EPHA7: variants seen among roughly 807,000 people sequenced by gnomAD.
The protein encoded by EPHA7 is EPH receptor A7, also known as ephrin type-A receptor 7.
In EPHA7, 25 loss-of-function variants were observed where a neutral mutation model predicts 112.6. The ratio of observed to expected loss-of-function variants is 0.22; its 90% CI spans 0.16 to 0.31. The LOEUF is 0.31. Among genes scored for constraint, EPHA7 ranks in the 10% least tolerant of loss-of-function variants. EPHA7 has a pLI of 1.00. For missense variants in EPHA7, 962 were observed against 1,212.6 expected (o/e 0.79, Z 3.07); for synonymous variants, 437 against 406.5 (o/e 1.07, Z -0.90).
intron 3 of EPHA7, among the ~76,000 whole-genome samples, chr6:93,361,065 GA>G (rs1776237381): frequency 6.6e-6 from 1 of 151,984 alleles, no homozygotes; most frequent in Non-Finnish European, 1.5e-5. Flanking sequence ...ACCTTAAGAA[GA>G]GATATTAAAC....
intron 5 of EPHA7, among the ~76,000 whole-genome samples, chr6:93,283,491 C>T (rs1771882107): frequency 6.6e-6 from 1 of 152,096 alleles, no homozygotes; most frequent in Non-Finnish European, 1.5e-5. Context: ...GTCCACATTG[C>T]CTTTATGAGC....
chr6:93,291,350 G>T (rs1772352204), intron 5 of EPHA7, among the ~76,000 whole-genome samples: 1 of 152,100 alleles, frequency 6.6e-6, no homozygotes, highest in South Asian at 2.1e-4. Flanking sequence ...GGCTTTTACG[G>T]TTTTTGTTTT....
Position 93,410,406 on chromosome 6 carries a change from C to CA in EPHA7, c.832+94dup. 8.7e-7 allele frequency: 1 copy of CA among 1,150,068 alleles called. No homozygotes were observed. The highest frequency in any genetic ancestry group is 1.2e-6 in the Non-Finnish European group (1 of 806,118). 71.2% of individuals were successfully genotyped at this position (1,150,068 alleles called of 1,614,324 possible). On this transcript the variant is annotated intron_variant, in intron 3 of 16. Coordinates refer to ENST00000369303, the MANE Select transcript of EPHA7 (RefSeq NM_004440.4). The surrounding 1 kb of genome is among the most constrained non-coding windows in gnomAD (Gnocchi z 4.0). ...ACTGAATTGCGCTTCTGGTACAGAG[C>CA]AGATTCACGTATTCAAATAACTATT...
At chr6:93,284,942 C>T (rs548458397) in intron 5 of EPHA7, among the ~76,000 whole-genome samples, 1 of 152,030 alleles carries the variant, frequency 6.6e-6, no homozygotes, top group African/African-American at 2.4e-5. Flanking sequence ...GTGTGTATAC[C>T]TATGTAACAA....
intron 1 of EPHA7, among the ~76,000 whole-genome samples, chr6:93,417,251 G>A (rs1192550411): frequency 6.6e-6 from 1 of 152,138 alleles, no homozygotes; most frequent in African/African-American, 2.4e-5. Flanking sequence ...TGCCCCAGGA[G>A]GCCCGGCACC....
intron 5 of EPHA7, among the ~76,000 whole-genome samples, chr6:93,288,500 T>C (rs531715506): frequency 6.6e-6 from 1 of 152,340 alleles, no homozygotes; most frequent in Admixed American, 6.5e-5. Flanking sequence ...GCTCAGTACA[T>C]TTATTAAAAT....
At chr6:93,354,116 C>T (rs1384118144) in intron 5 of EPHA7, among the ~76,000 whole-genome samples, 1 of 152,074 alleles carries the variant, frequency 6.6e-6, no homozygotes, top group Non-Finnish European at 1.5e-5. Flanking sequence ...GAAGTGATTT[C>T]AGCATGAACT....
chr6:93,406,203 A>G (rs2127991921), intron 3 of EPHA7, among the ~76,000 whole-genome samples: 1 of 151,732 alleles, frequency 6.6e-6, no homozygotes, highest in East Asian at 1.9e-4. Flanking sequence ...GCTTTCAGAA[A>G]ATTTAAATTA....
At chr6:93,303,674 T>C (rs779713566) in intron 5 of EPHA7, among the ~76,000 whole-genome samples, 1 of 152,164 alleles carries the variant, frequency 6.6e-6, no homozygotes, top group African/African-American at 2.4e-5. Context: ...CGTTTTAAAA[T>C]TAAATTAATT....
intron 14 of EPHA7, among the ~76,000 whole-genome samples, chr6:93,251,510 C>A (rs372104417): frequency 1.2e-5 from 1 of 85,812 alleles, no homozygotes; most frequent in South Asian, 6.9e-4. Flanking sequence ...CTTATGTTAA[C>A]TATTAGGATA....
At chr6:93,313,484 TA>T (rs1306865315) in intron 5 of EPHA7, among the ~76,000 whole-genome samples, 1 of 152,048 alleles carries the variant, frequency 6.6e-6, no homozygotes, top group Non-Finnish European at 1.5e-5. Context: ...TAACTGCTTT[TA>T]TAGCCAGAAA....
chr6:93,251,986 AG>A (rs1173496615), intron 14 of EPHA7, among the ~76,000 whole-genome samples: 1 of 152,088 alleles, frequency 6.6e-6, no homozygotes, highest in East Asian at 1.9e-4. Flanking sequence ...TGCCCATTCA[AG>A]GGTTAACTAA....
intron 9 of EPHA7, 75 bp downstream of exon 9, chr6:93,263,785 G>A: frequency 8.3e-7 from 1 of 1,212,054 alleles, no homozygotes; most frequent in Non-Finnish European, 1.2e-6. Flanking sequence ...TGAGGACTTT[G>A]TTAATGCCAA....
chr6:93,313,942 C>T (rs1045976821), intron 5 of EPHA7, among the ~76,000 whole-genome samples: 22 of 152,016 alleles, frequency 1.4e-4, no homozygotes, highest in East Asian at 3.9e-4. Context: ...AGTTTAGAGA[C>T]GATGTTTCTC....
At chr6:93,374,074 G>A (rs3823229) in intron 3 of EPHA7, among the ~76,000 whole-genome samples, 16,609 of 152,020 alleles carry the variant, frequency 0.11, 1,039 homozygotes, top group East Asian at 0.3. Flanking sequence ...ACATGAAGTC[G>A]CACTAGAGGT....
intron 5 of EPHA7, among the ~76,000 whole-genome samples, chr6:93,351,898 T>G (rs1003429105): frequency 6.6e-6 from 1 of 152,116 alleles, no homozygotes; most frequent in Non-Finnish European, 1.5e-5. Flanking sequence ...TGCTCAATTT[T>G]TACAATATGA....
At chr6:93,262,175 T>C in intron 9 of EPHA7, among the ~76,000 whole-genome samples, 1 of 151,572 alleles carries the variant, frequency 6.6e-6, no homozygotes. Context: ...AGTTTTGATC[T>C]GCTCCTTCCT....
chr6:93,301,805 T>C (rs984826466), intron 5 of EPHA7, among the ~76,000 whole-genome samples: 2 of 152,146 alleles, frequency 1.3e-5, no homozygotes, highest in African/African-American at 2.4e-5. Context: ...CCTTGATACA[T>C]CAGTTACCAC....
At chr6:93,344,121 A>T (rs1775273818) in intron 5 of EPHA7, among the ~76,000 whole-genome samples, 1 of 98,820 alleles carries the variant, frequency 1.0e-5, no homozygotes, top group Admixed American at 1.1e-4. Context: ...CTATCTATCT[A>T]TCTATCATCT....
Sources: gnomAD v4.1 joint callset for allele counts (sites outside exome capture counted in the v4.1 genomes callset) on GRCh38, gnomAD v4.1.1 for gene constraint, Gnocchi (gnomAD v3.1) non-coding constraint, MANE v1.5 for transcripts, NCBI Gene and HGNC (gene_info 2026-07-23, HGNC 2026-07-21) for gene names.